The following WNT9B variants were observed in gnomAD, a reference collection of about 807,000 sequenced individuals.
The protein encoded by WNT9B is Wnt family member 9B.
Under a neutral mutation model 30.2 loss-of-function variants are expected in WNT9B, and 12 were observed. The ratio of observed to expected loss-of-function variants is 0.40; its 90% CI spans 0.26 to 0.64. The LOEUF is 0.64. WNT9B is among the 30% of genes least tolerant of loss of function. WNT9B has a pLI of 0.42. For missense variants in WNT9B, 442 were observed against 485.2 expected (o/e 0.91, Z 0.84); for synonymous variants, 218 against 216.9 (o/e 1.01, Z -0.05).
downstream of WNT9B, among the ~76,000 whole-genome samples, chr17:46,884,758 C>T (rs1016867028): frequency 2.0e-5 from 3 of 152,166 alleles, no homozygotes; most frequent in Non-Finnish European, 4.4e-5. Context: ...CCTGAGGTCA[C>T]ACAGCAAGTA....
At chr17:46,850,845 G>A (rs1260095630), upstream of WNT9B, among the ~76,000 whole-genome samples, 4 of 151,614 alleles carry the variant, frequency 2.6e-5, no homozygotes, top group African/African-American at 9.7e-5. Flanking sequence ...CCCTCCTCCC[G>A]CAGGGCTCTG....
chr17:46,864,192 C>T (rs1009111823), intron 1 of WNT9B, among the ~76,000 whole-genome samples: 1 of 152,146 alleles, frequency 6.6e-6, no homozygotes, highest in African/African-American at 2.4e-5. Flanking sequence ...GTCAATGCGT[C>T]ATGGTTAAAT....
chr17:46,885,189 A>G (rs2085474775), downstream of WNT9B: 1 of 330,838 alleles, frequency 3.0e-6, no homozygotes, highest in Non-Finnish European at 6.0e-6. Flanking sequence ...TATTTTTAGT[A>G]GAGATGAGGT....
chr17:46,840,165 C>A (rs376568582), intron 1 of WNT9B, among the ~76,000 whole-genome samples: 2 of 151,528 alleles, frequency 1.3e-5, no homozygotes, highest in African/African-American at 4.9e-5. Flanking sequence ...CGGCTCACTG[C>A]AAGCTCCGCC....
At chr17:46,837,838 A>G (rs2084651891) in intron 1 of WNT9B, among the ~76,000 whole-genome samples, 2 of 152,196 alleles carry the variant, frequency 1.3e-5, no homozygotes, top group African/African-American at 4.8e-5. Flanking sequence ...AGGTTACACC[A>G]CATATGAGGA....
chr17:46,876,182 G>A, intron 3 of WNT9B, 63 bp from the exon 4 acceptor site: 1 of 1,470,556 alleles, frequency 6.8e-7, no homozygotes, highest in Non-Finnish European at 9.2e-7. Context: ...TGGTGCTCTG[G>A]GGGCAGGCTC....
At chr17:46,850,014 A>C (rs1274937215), upstream of WNT9B, among the ~76,000 whole-genome samples, 1 of 152,034 alleles carries the variant, frequency 6.6e-6, no homozygotes, top group African/African-American at 2.4e-5. Flanking sequence ...CACCCGGCTA[A>C]TGTCTTTGTA....
At chr17:46,836,638 T>C (rs1348976457) in intron 1 of WNT9B, among the ~76,000 whole-genome samples, 1 of 152,208 alleles carries the variant, frequency 6.6e-6, no homozygotes, top group Non-Finnish European at 1.5e-5. Flanking sequence ...TTGCTAAATA[T>C]GCCGCATGTT....
In WNT9B at chr17:46,837,157, G is replaced by T. The variant is rs531106496; in HGVS notation, c.95+3717G>T. Among the ~76,000 whole-genome samples, 9 of 152,292 alleles carry T rather than the reference G, an allele frequency of 5.9e-5. No homozygotes were observed. In the South Asian group the frequency reaches 1.7e-3, roughly 28 times the overall value. ...GGGGTTTCACCATGTTGGCCAGGCT[G>T]GTCTTGATCTCTTGACCTCGTGATC... On this transcript the variant is annotated intron_variant, in intron 1 of 2. Coordinates refer to the WNT9B transcript ENST00000575372.
chr17:46,862,025 T>C (rs2085046238), intron 1 of WNT9B, among the ~76,000 whole-genome samples: 1 of 151,826 alleles, frequency 6.6e-6, no homozygotes, highest in African/African-American at 2.4e-5. Context: ...TAGCTGGGCG[T>C]GGTGACAGCC....
intron 1 of WNT9B, among the ~76,000 whole-genome samples, chr17:46,853,684 G>A (rs1030890193): frequency 6.6e-6 from 1 of 152,022 alleles, no homozygotes; most frequent in Non-Finnish European, 1.5e-5. Flanking sequence ...TTTCATTAAG[G>A]AAACCAGTTA....
intron 2 of WNT9B, among the ~76,000 whole-genome samples, chr17:46,873,266 C>T (rs949313137): frequency 3.3e-5 from 5 of 152,130 alleles, no homozygotes; most frequent in African/African-American, 9.7e-5. Context: ...ATCAGTCCCT[C>T]CTTCCCTTCC....
rs566759706 is a variant in WNT9B at position 46,872,385 on chromosome 17, C to T, written c.78-132C>T. 47 of 1,329,548 alleles carry T rather than the reference C, an allele frequency of 3.5e-5. No homozygotes were observed. The South Asian group carries it at 4.3e-4, about 12-fold the overall frequency. The allele number at this position is 1,329,548 out of a possible 1,614,324, so 82.4% of individuals were successfully genotyped here. ...GGTTTCCTAATCTGTAAAATGGGGA[C>T]GGGACCTCCAGCGGGTCAGCCTGCT... On this transcript the variant is annotated intron_variant, in intron 1 of 3. Coordinates refer to ENST00000290015, the MANE Select transcript of WNT9B (RefSeq NM_003396.3).
intron 1 of WNT9B, among the ~76,000 whole-genome samples, chr17:46,837,957 G>C (rs969519356): frequency 6.6e-6 from 1 of 152,168 alleles, no homozygotes; most frequent in African/African-American, 2.4e-5. Context: ...GGGCTTCATG[G>C]GTGGGTGGCG....
In WNT9B at chr17:46,877,211, C is replaced by A; in HGVS notation, c.*493C>A. 1 of 385,106 alleles carries A rather than the reference C, an allele frequency of 2.6e-6. No individual in the cohort carries two copies. Among genetic ancestry groups the A allele is most frequent in the East Asian group, 1.6e-4 (1 of 6,116 alleles). The allele number at this position is 385,106 out of a possible 1,614,324, so 23.9% of individuals were successfully genotyped here. ...CGGGTCCTGTGGCCCTGCTCAGGTG[C>A]AGTGGGCTCCAGGTGTCACACACCT... On this transcript the variant is annotated 3_prime_UTR_variant, in exon 4 of 4. Transcript: ENST00000290015.
Position 46,851,681 on chromosome 17 carries a change from C to T in WNT9B, c.43C>T (p.Leu15=). The change falls in exon 1 of 4, where the codon CTG becomes TTG. Residue 15 remains leucine, a synonymous_variant. Transcript: ENST00000290015. The surrounding 1 kb of genome is among the most constrained non-coding windows in gnomAD (Gnocchi z 4.3). ...GCTGGCCCTGGCCGGGCTCTGCCTG[C>T]TGGCGCTGCCCGCCGCCGCCGCCTC... ...PALALAGLCL[L]ALPAAAASYF... 2 of 1,311,022 alleles carry T rather than the reference C, an allele frequency of 1.5e-6. No homozygotes were observed. Among genetic ancestry groups the T allele is most frequent in the Non-Finnish European group, 9.7e-7 (1 of 1,034,452 alleles). The allele number at this position is 1,311,022 out of a possible 1,614,324, so 81.2% of individuals were successfully genotyped here.
intron 1 of WNT9B, among the ~76,000 whole-genome samples, chr17:46,862,217 G>A (rs150681247): frequency 4.7e-4 from 71 of 151,616 alleles, no homozygotes; most frequent in African/African-American, 1.6e-3. Context: ...AGTAATATAG[G>A]AGGTAGGGGA....
At chr17:46,863,486 C>A (rs894321533) in intron 1 of WNT9B, among the ~76,000 whole-genome samples, 4 of 152,116 alleles carry the variant, frequency 2.6e-5, no homozygotes, top group Non-Finnish European at 5.9e-5. Context: ...CCATGCGGAA[C>A]TGATGGTACT....
At chr17:46,841,895 G>A (rs1413504456) in intron 1 of WNT9B, among the ~76,000 whole-genome samples, 1 of 151,798 alleles carries the variant, frequency 6.6e-6, no homozygotes, top group African/African-American at 2.4e-5. Context: ...CCTCTGCGGT[G>A]TGTGGGGGGG....
Sources: gnomAD v4.1 joint callset for allele counts (sites outside exome capture counted in the v4.1 genomes callset) on GRCh38, gnomAD v4.1.1 for gene constraint, Gnocchi (gnomAD v3.1) non-coding constraint, MANE v1.5 for transcripts, NCBI Gene and HGNC (gene_info 2026-07-23, HGNC 2026-07-21) for gene names.